Variants in CAMK4 observed in about 807,000 individuals in gnomAD.
CAMK4 encodes calcium/calmodulin-dependent protein kinase type IV.
Under a neutral mutation model 44.9 loss-of-function variants are expected in CAMK4, and 22 were observed. That is an observed-to-expected ratio of 0.49 (90% CI 0.35 to 0.70). The LOEUF is 0.70. Ranked by LOEUF, CAMK4 falls within the 30% of genes least tolerant of loss-of-function variation. The probability of loss-of-function intolerance (pLI) is 0.01; values close to 1 mark genes in which losing one functional copy is unlikely to be tolerated. For synonymous variants in CAMK4, 218 were observed against 215.4 expected (o/e 1.01, Z -0.11); for missense variants, 498 against 586.8 (o/e 0.85, Z 1.56).
chr5:111,354,596 C>T (rs1223290968), intron 2 of CAMK4, among the ~76,000 whole-genome samples: 1 of 128,556 alleles, frequency 7.8e-6, no homozygotes, highest in Non-Finnish European at 1.7e-5. Flanking sequence ...TGAAAAATAG[C>T]TACTTGGGAG....
At chr5:111,331,259 T>G (rs185525644) in intron 1 of CAMK4, among the ~76,000 whole-genome samples, 25 of 121,930 alleles carry the variant, frequency 2.1e-4, no homozygotes, top group African/African-American at 6.8e-4. Context: ...AAAAACAAAG[T>G]TATATTTTTT....
chr5:111,448,632 C>A (rs923667670), intron 6 of CAMK4, among the ~76,000 whole-genome samples: 1 of 152,020 alleles, frequency 6.6e-6, no homozygotes, highest in African/African-American at 2.4e-5. Context: ...GGTGAAACTC[C>A]GTCTCTACTA....
chr5:111,297,812 C>A (rs1747554122), intron 1 of CAMK4, among the ~76,000 whole-genome samples: 1 of 152,164 alleles, frequency 6.6e-6, no homozygotes, highest in Non-Finnish European at 1.5e-5. Flanking sequence ...AGCTGTTGGT[C>A]TCAATACCAT....
In CAMK4 at chr5:111,492,528, C is replaced by T. The variant is rs757199081; in HGVS notation, c.*8062C>T. ...TCTTCTTGATTGCTCAGTTTGAAGA[C>T]GATCATTGATGGACAAATACTTTAG... On this transcript the variant is annotated 3_prime_UTR_variant, in exon 11 of 11. Transcript: ENST00000282356. 4 of 152,082 alleles carry T rather than the reference C, an allele frequency of 2.6e-5. No individual in the cohort carries two copies. The highest frequency in any genetic ancestry group is 9.7e-5 in the African/African-American group (4 of 41,410). The allele number at this position is 152,082 out of a possible 1,614,324, so 9.4% of individuals were successfully genotyped here.
intron 1 of CAMK4, among the ~76,000 whole-genome samples, chr5:111,332,102 TA>T (rs1749191882): frequency 1.3e-5 from 2 of 151,742 alleles, no homozygotes; most frequent in Non-Finnish European, 2.9e-5. Context: ...TATTATACTT[TA>T]AGTTTTAGGG....
chr5:111,262,648 CACTTT>C (rs1204182067), intron 1 of CAMK4, among the ~76,000 whole-genome samples: 2 of 152,096 alleles, frequency 1.3e-5, no homozygotes, highest in African/African-American at 4.8e-5. Context: ...AATAATGACC[CACTTT>C]ACTTGCTTTC....
At chr5:111,410,441 G>A (rs1051038946) in intron 5 of CAMK4, among the ~76,000 whole-genome samples, 3 of 152,220 alleles carry the variant, frequency 2.0e-5, no homozygotes, top group South Asian at 4.2e-4. Flanking sequence ...GATTATTACA[G>A]TTTAAGGTGA....
At chr5:111,406,499 C>T (rs1256771812) in intron 5 of CAMK4, among the ~76,000 whole-genome samples, 1 of 151,614 alleles carries the variant, frequency 6.6e-6, no homozygotes, top group Non-Finnish European at 1.5e-5. Context: ...GCTGGGATTA[C>T]AGGTGTGAGC....
At chr5:111,408,947 G>A (rs770768188) in intron 5 of CAMK4, among the ~76,000 whole-genome samples, 1 of 152,162 alleles carries the variant, frequency 6.6e-6, no homozygotes, top group Non-Finnish European at 1.5e-5. Context: ...GCTCCCATGG[G>A]CATGGGAAGC....
chr5:111,464,469 T>G (rs544966291), intron 7 of CAMK4, among the ~76,000 whole-genome samples: 1 of 152,224 alleles, frequency 6.6e-6, no homozygotes, highest in Admixed American at 6.5e-5. Flanking sequence ...GACATACAAG[T>G]ACAGGAAGCT....
intron 1 of CAMK4, among the ~76,000 whole-genome samples, chr5:111,295,647 T>A (rs1747451579): frequency 6.6e-6 from 1 of 152,214 alleles, no homozygotes; most frequent in South Asian, 2.1e-4. Flanking sequence ...AAGGATGTTG[T>A]CTTCATTTAC....
At position 111,452,879 on chromosome 5, in the gene CAMK4, A is replaced by G. The variant is rs577699346; in HGVS notation, c.625+3676A>G. ...TATTATAAGAAAAGGAAGTGAAAGC[A>G]GCAAGGAAGCTTGGCATGGGGGTTG... On this transcript the variant is annotated intron_variant, in intron 7 of 10. Coordinates refer to ENST00000282356, the MANE Select transcript of CAMK4 (RefSeq NM_001744.6). Among the ~76,000 whole-genome samples, 7 of 152,348 alleles carry G rather than the reference A, an allele frequency of 4.6e-5. No individual in the cohort carries two copies. In the South Asian group the frequency reaches 1.0e-3, roughly 23 times the overall value.
intron 5 of CAMK4, among the ~76,000 whole-genome samples, chr5:111,420,375 T>C (rs1316250843): frequency 6.6e-6 from 1 of 152,098 alleles, no homozygotes; most frequent in Non-Finnish European, 1.5e-5. Flanking sequence ...TACAATCATG[T>C]CATCTGCAAA....
intron 1 of CAMK4, among the ~76,000 whole-genome samples, chr5:111,259,926 C>G (rs556822960): frequency 2.0e-5 from 3 of 152,056 alleles, no homozygotes; most frequent in Non-Finnish European, 4.4e-5. Flanking sequence ...AAAGTGACAT[C>G]GAGTGTTTCT....
chr5:111,381,827 T>A (rs1359100326), intron 4 of CAMK4, among the ~76,000 whole-genome samples: 1 of 152,216 alleles, frequency 6.6e-6, no homozygotes, highest in Non-Finnish European at 1.5e-5. Flanking sequence ...CATACGGTTT[T>A]AAATTTTTTT....
At chr5:111,450,951 G>C (rs889813003) in intron 7 of CAMK4, among the ~76,000 whole-genome samples, 7 of 151,988 alleles carry the variant, frequency 4.6e-5, no homozygotes, top group Admixed American at 4.6e-4. Flanking sequence ...GGTCACCCCT[G>C]CCCCAGAAAT....
intron 1 of CAMK4, among the ~76,000 whole-genome samples, chr5:111,281,874 C>T (rs375118766): frequency 1.4e-4 from 21 of 151,720 alleles, no homozygotes; most frequent in Non-Finnish European, 2.5e-4. Flanking sequence ...CTGGCTAACA[C>T]GGTGAAACCC....
intron 1 of CAMK4, among the ~76,000 whole-genome samples, chr5:111,227,161 A>G (rs1748231116): frequency 6.6e-6 from 1 of 152,228 alleles, no homozygotes; most frequent in Non-Finnish European, 1.5e-5. Context: ...TTTTAAGTAA[A>G]TAAACTTAAA....
intron 2 of CAMK4, among the ~76,000 whole-genome samples, chr5:111,367,188 A>G (rs576211780): frequency 2.0e-5 from 3 of 150,392 alleles, no homozygotes; most frequent in South Asian, 2.1e-4. Context: ...TATTTGACTC[A>G]TAGTTCTGGA....
Sources: gnomAD v4.1 joint callset for allele counts (sites outside exome capture counted in the v4.1 genomes callset) on GRCh38, gnomAD v4.1.1 for gene constraint, MANE v1.5 for transcripts, NCBI Gene and HGNC (gene_info 2026-07-23, HGNC 2026-07-21) for gene names.